DNAJC5B: variants seen among roughly 807,000 people sequenced by gnomAD.
DNAJC5B encodes DnaJ heat shock protein family (Hsp40) member C5 beta.
A neutral mutation model predicts 24.7 loss-of-function variants in DNAJC5B; 23 were observed. That is an observed-to-expected ratio of 0.93 (90% CI 0.67 to 1.32). DNAJC5B has a LOEUF of 1.32. DNAJC5B is among the 40% of genes most tolerant of loss of function. The pLI is 0.00. For synonymous variants in DNAJC5B, 101 were observed against 90.1 expected, an observed-to-expected ratio of 1.12 and a Z score of -0.68; for missense variants, 238 against 240.8, an observed-to-expected ratio of 0.99 and a Z score of 0.08.
At chr8:66,026,360 A>G (rs576813180) in intron 1 of DNAJC5B, among the ~76,000 whole-genome samples, 29 of 152,204 alleles carry the variant, frequency 1.9e-4, no homozygotes, top group Admixed American at 5.2e-4. Context: ...TGAAGTTTCA[A>G]ATCTCTCCAG....
At chr8:66,018,284 C>T (rs552106844), upstream of DNAJC5B, among the ~76,000 whole-genome samples, 2 of 152,118 alleles carry the variant, frequency 1.3e-5, no homozygotes, top group South Asian at 2.1e-4. Context: ...TTTGGGAGGC[C>T]GAGGCGGGTG....
intron 1 of DNAJC5B, among the ~76,000 whole-genome samples, chr8:66,034,175 T>TG (rs1254607071): frequency 4.0e-4 from 52 of 130,696 alleles, no homozygotes; most frequent in African/African-American, 1.5e-3. Flanking sequence ...TTGTTGTTGT[T>TG]TTGTGTGTGT....
chr8:66,089,076 A>G (rs888074275), intron 5 of DNAJC5B, among the ~76,000 whole-genome samples: 10 of 152,220 alleles, frequency 6.6e-5, no homozygotes, highest in Admixed American at 6.5e-4. Context: ...TAATTTATAA[A>G]CAAAAGAGGT....
chr8:66,052,927 T>C (rs748258623), intron 3 of DNAJC5B, among the ~76,000 whole-genome samples: 9 of 151,984 alleles, frequency 5.9e-5, no homozygotes, highest in Non-Finnish European at 1.0e-4. Context: ...TTTGCTTGTT[T>C]GTTTAGAGTT....
chr8:66,071,742 C>T (rs145147684), intron 3 of DNAJC5B, among the ~76,000 whole-genome samples: 4,480 of 152,238 alleles, frequency 0.029, 83 homozygotes, highest in Non-Finnish European at 0.045. Flanking sequence ...TATAAAGACA[C>T]ATGCACACGT....
upstream of DNAJC5B, among the ~76,000 whole-genome samples, chr8:66,016,976 C>T (rs919393764): frequency 5.3e-5 from 8 of 151,876 alleles, no homozygotes; most frequent in South Asian, 4.1e-4. Flanking sequence ...AAATGTATCA[C>T]GAAGTCAAAT....
intron 2 of DNAJC5B, among the ~76,000 whole-genome samples, chr8:66,047,976 A>G (rs1168929997): frequency 6.6e-6 from 1 of 152,222 alleles, no homozygotes; most frequent in Non-Finnish European, 1.5e-5. Flanking sequence ...GCCAGTGCTC[A>G]GGGAGAGTTG....
chr8:66,037,964 A>G (rs1054892114), intron 1 of DNAJC5B, among the ~76,000 whole-genome samples: 13 of 152,258 alleles, frequency 8.5e-5, no homozygotes, highest in Non-Finnish European at 1.2e-4. Flanking sequence ...TGCTTGGTGC[A>G]GTGGGCCCAG....
intron 3 of DNAJC5B, among the ~76,000 whole-genome samples, chr8:66,073,015 G>T (rs189363943): frequency 1.3e-5 from 2 of 152,204 alleles, no homozygotes; most frequent in Admixed American, 1.3e-4. Flanking sequence ...TCGTACTTGG[G>T]GTGGGGGGTC....
rs188338382 is a variant in DNAJC5B at position 66,031,009 on chromosome 8, C to T, written c.-142+9304C>T. On this transcript the variant is annotated intron_variant, in intron 1 of 5. Transcript: ENST00000276570. ...GATGGCTTTCTCCTGGGCTTATGCTCGTGAGAGCCCCTCACCACCTCTATA... is the reference window on the plus strand; with the variant it reads ...GATGGCTTTCTCCTGGGCTTATGCTTGTGAGAGCCCCTCACCACCTCTATA... Among the ~76,000 whole-genome samples, 44 of 152,296 alleles carry T rather than the reference C, an allele frequency of 2.9e-4. No homozygotes were observed. In the East Asian group the frequency reaches 7.5e-3, roughly 26 times the overall value.
chr8:66,058,778 G>A (rs1201982195), intron 3 of DNAJC5B, among the ~76,000 whole-genome samples: 1 of 152,188 alleles, frequency 6.6e-6, no homozygotes, highest in Non-Finnish European at 1.5e-5. Flanking sequence ...CTGATAAAAT[G>A]GAGTCCCCAG....
intron 5 of DNAJC5B, among the ~76,000 whole-genome samples, chr8:66,099,507 A>T (rs965002135): frequency 6.6e-6 from 1 of 152,246 alleles, no homozygotes; most frequent in Non-Finnish European, 1.5e-5. Flanking sequence ...CCAATTGTAC[A>T]CTACATAATG....
At chr8:66,074,550 G>A (rs1192489949) in intron 3 of DNAJC5B, among the ~76,000 whole-genome samples, 2 of 152,228 alleles carry the variant, frequency 1.3e-5, no homozygotes, top group African/African-American at 4.8e-5. Context: ...GACCAAGAGT[G>A]TAGAGACATT....
intron 3 of DNAJC5B, among the ~76,000 whole-genome samples, chr8:66,058,547 G>A (rs1032216345): frequency 6.6e-6 from 1 of 152,160 alleles, no homozygotes; most frequent in African/African-American, 2.4e-5. Flanking sequence ...TTTACTGGAC[G>A]GGAAAGGGAC....
chr8:66,044,938 G>T (rs1428044877), intron 2 of DNAJC5B, among the ~76,000 whole-genome samples: 1 of 152,112 alleles, frequency 6.6e-6, no homozygotes, highest in Non-Finnish European at 1.5e-5. Flanking sequence ...ATTTTAAAAG[G>T]TTATGGGCCC....
At chr8:66,054,349 G>A (rs1223110611) in intron 3 of DNAJC5B, among the ~76,000 whole-genome samples, 3 of 152,042 alleles carry the variant, frequency 2.0e-5, no homozygotes, top group Admixed American at 6.6e-5. Context: ...AAGACCTCTC[G>A]CAATTACAAC....
intron 3 of DNAJC5B, among the ~76,000 whole-genome samples, chr8:66,055,141 C>T (rs540022872): frequency 6.6e-6 from 1 of 152,228 alleles, no homozygotes; most frequent in African/African-American, 2.4e-5. Context: ...AAAGTCTATT[C>T]ATGTAATTAG....
At chr8:66,073,485 ATG>A (rs61131925) in intron 3 of DNAJC5B, among the ~76,000 whole-genome samples, 34,298 of 149,140 alleles carry the variant, frequency 0.23, 4,526 homozygotes, top group African/African-American at 0.34. Context: ...GCATGTGTTC[ATG>A]TGTGTGTGTG....
upstream of DNAJC5B, among the ~76,000 whole-genome samples, chr8:66,017,482 G>C (rs1270681883): frequency 1.3e-5 from 2 of 152,134 alleles, no homozygotes; most frequent in African/African-American, 2.4e-5. Context: ...CTACAGGCAC[G>C]CTTCCATTTC....
Sources: allele counts gnomAD v4.1 joint callset (sites outside exome capture counted in the v4.1 genomes callset), GRCh38; gene constraint gnomAD v4.1.1; transcripts MANE v1.5; gene names NCBI Gene and HGNC (gene_info 2026-07-23, HGNC 2026-07-21).